Variants in CSRNP3 observed in about 807,000 individuals in gnomAD.
CSRNP3 encodes the protein cysteine/serine-rich nuclear protein 3.
A neutral mutation model predicts 48.0 loss-of-function variants in CSRNP3; 12 were observed. That is an observed-to-expected ratio of 0.25 (90% CI 0.16 to 0.41). The LOEUF (loss-of-function observed/expected upper bound fraction) is 0.41, where lower values mean the gene tolerates loss of function less well. Ranked by LOEUF, CSRNP3 falls within the 10% of genes least tolerant of loss-of-function variation. The probability of loss-of-function intolerance (pLI) is 1.00; values close to 1 mark genes in which losing one functional copy is unlikely to be tolerated. For synonymous variants in CSRNP3, 263 were observed against 269.7 expected (o/e 0.98, Z 0.24); for missense variants, 580 against 724.4 (o/e 0.80, Z 2.29).
intron 3 of CSRNP3, among the ~76,000 whole-genome samples, chr2:165,560,533 C>G (rs1043485735): frequency 3.9e-5 from 6 of 152,198 alleles, no homozygotes; most frequent in African/African-American, 1.4e-4. Flanking sequence ...TTTCTCTCTG[C>G]CCTTAAGCCA....
chr2:165,472,458 A>G (rs1683907981), intron 1 of CSRNP3, among the ~76,000 whole-genome samples: 1 of 152,004 alleles, frequency 6.6e-6, no homozygotes. Flanking sequence ...TTCTTTGAAA[A>G]TAAACATTAC....
chr2:165,568,890 A>G (rs1407005026), intron 3 of CSRNP3, among the ~76,000 whole-genome samples: 1 of 152,080 alleles, frequency 6.6e-6, no homozygotes, highest in East Asian at 1.9e-4. Context: ...TTTAAATTAC[A>G]AAAATAATTT....
At chr2:165,665,811 A>AAG (rs1687173907) in intron 5 of CSRNP3, among the ~76,000 whole-genome samples, 1 of 130,320 alleles carries the variant, frequency 7.7e-6, no homozygotes. Flanking sequence ...GAAAGAGAGA[A>AAG]AGAGAAAGGA....
intron 3 of CSRNP3, among the ~76,000 whole-genome samples, chr2:165,521,308 C>T (rs1684659353): frequency 6.6e-6 from 1 of 152,120 alleles, no homozygotes; most frequent in Non-Finnish European, 1.5e-5. Flanking sequence ...TTGTTGTACT[C>T]ATCTGGAAAC....
chr2:165,680,187 A>G lies in CSRNP3; in HGVS notation c.*434A>G, dbSNP rs1336874709. 1.9e-5 allele frequency: 3 copies of G among 156,876 alleles called. No individual in the cohort carries two copies. The allele number at this position is 156,876 out of a possible 1,614,324, so 9.7% of individuals were successfully genotyped here. A position where few individuals can be genotyped will look rare whatever the true frequency, so the allele number is the denominator to read the frequency against. On this transcript the variant is annotated 3_prime_UTR_variant, in exon 7 of 7. Transcript: ENST00000651982. ...TTTTTAATGTAAAAGTAATTATTGT[A>G]AGAAAAAGATTTAATTGTTCCATGT...
rs549340616 is a variant in CSRNP3 at position 165,636,150 on chromosome 2, C to G, written c.149-21611C>G. ...TAGTGTTAAGAGAAACAATCTCTTC[C>G]ATTGGCTCAAATGACCTTTCTTGCT... On this transcript the variant is annotated intron_variant, in intron 4 of 6. Transcript: ENST00000651982. Among the ~76,000 whole-genome samples, 10 of 152,254 alleles carry G rather than the reference C, an allele frequency of 6.6e-5. No individual in the cohort carries two copies. The South Asian group carries it at 1.9e-3, about 28-fold the overall frequency.
At chr2:165,660,981 C>G (rs1426145816) in intron 5 of CSRNP3, among the ~76,000 whole-genome samples, 1 of 152,116 alleles carries the variant, frequency 6.6e-6, no homozygotes, top group Non-Finnish European at 1.5e-5. Context: ...TAAAAGATCA[C>G]AGCAATATGA....
At chr2:165,507,526 G>A (rs956370736) in intron 2 of CSRNP3, among the ~76,000 whole-genome samples, 1 of 152,074 alleles carries the variant, frequency 6.6e-6, no homozygotes, top group Non-Finnish European at 1.5e-5. Context: ...GGCATCTATT[G>A]TGATGCCTAT....
At chr2:165,470,955 A>AT (rs1236065020) in intron 1 of CSRNP3, among the ~76,000 whole-genome samples, 2 of 151,646 alleles carry the variant, frequency 1.3e-5, no homozygotes, top group Non-Finnish European at 2.9e-5. Context: ...ATTTCTAAAT[A>AT]TTTTTTGCTA....
chr2:165,537,902 A>T (rs796519469), intron 3 of CSRNP3, among the ~76,000 whole-genome samples: 4 of 152,038 alleles, frequency 2.6e-5, no homozygotes, highest in East Asian at 1.9e-4. Flanking sequence ...ATTGTCTACC[A>T]TGTGCACAGG....
intron 3 of CSRNP3, among the ~76,000 whole-genome samples, chr2:165,569,653 T>A (rs576756564): frequency 3.9e-5 from 6 of 152,044 alleles, no homozygotes; most frequent in Non-Finnish European, 8.8e-5. Flanking sequence ...TTGTGTTTCT[T>A]TGTTAATTTC....
At position 165,683,479 on chromosome 2, in the gene CSRNP3, T is replaced by A. The variant is rs1258238650; in HGVS notation, c.*3726T>A. 2 of 152,124 alleles carry A rather than the reference T, an allele frequency of 1.3e-5. No individual in the cohort carries two copies. 9.4% of individuals were successfully genotyped at this position (152,124 alleles called of 1,614,324 possible). ...ATTTTACATTCTAATAGATGACTTC[T>A]AGGCAAAATTTTGGTATGATTACCA... is the stretch of plus-strand genomic sequence containing the variant. On this transcript the variant is annotated 3_prime_UTR_variant, in exon 7 of 7. Coordinates refer to ENST00000651982, the MANE Select transcript of CSRNP3 (RefSeq NM_001172173.2).
intron 1 of CSRNP3, among the ~76,000 whole-genome samples, chr2:165,486,003 CG>C (rs1432549571): frequency 6.6e-6 from 1 of 152,024 alleles, no homozygotes; most frequent in African/African-American, 2.4e-5. Context: ...ACGCAGAAGA[CG>C]GGTGATTTCT....
chr2:165,516,444 A>T (rs1257453650), intron 2 of CSRNP3, among the ~76,000 whole-genome samples: 1 of 152,138 alleles, frequency 6.6e-6, no homozygotes, highest in Non-Finnish European at 1.5e-5. Context: ...TGAAAAACGT[A>T]CAGAGAGGTT....
At chr2:165,650,382 A>G (rs1274904584) in intron 4 of CSRNP3, among the ~76,000 whole-genome samples, 1 of 152,194 alleles carries the variant, frequency 6.6e-6, no homozygotes, top group African/African-American at 2.4e-5. Flanking sequence ...CAGGTAGGTG[A>G]CACAGTTATC....
intron 4 of CSRNP3, among the ~76,000 whole-genome samples, chr2:165,629,569 A>G (rs563220968): frequency 6.6e-6 from 1 of 152,354 alleles, no homozygotes; most frequent in South Asian, 2.1e-4. Flanking sequence ...CATCACAGGT[A>G]TGCGACTTGT....
chr2:165,665,938 AGG>A (rs1687179152), intron 5 of CSRNP3, among the ~76,000 whole-genome samples: 5 of 132,630 alleles, frequency 3.8e-5, no homozygotes, highest in Non-Finnish European at 7.0e-5. Flanking sequence ...AGAAAGAGAG[AGG>A]AAGGAAGGAA....
intron 4 of CSRNP3, among the ~76,000 whole-genome samples, chr2:165,628,178 A>G (rs949234959): frequency 6.6e-6 from 1 of 152,180 alleles, no homozygotes. Context: ...ACTCTTGTTT[A>G]GTATGTTCTT....
chr2:165,551,273 A>G (rs1178680962), intron 3 of CSRNP3, among the ~76,000 whole-genome samples: 2 of 152,174 alleles, frequency 1.3e-5, no homozygotes, highest in African/African-American at 4.8e-5. Flanking sequence ...TCTATAAAAC[A>G]ATGTTGAAAC....
Sources: allele counts gnomAD v4.1 joint callset (sites outside exome capture counted in the v4.1 genomes callset), GRCh38; gene constraint gnomAD v4.1.1; transcripts MANE v1.5; gene names NCBI Gene and HGNC (gene_info 2026-07-23, HGNC 2026-07-21).